CAGE1: variants seen among roughly 807,000 people sequenced by gnomAD.
CAGE1 encodes cancer-associated gene 1 protein.
A neutral mutation model predicts 94.9 loss-of-function variants in CAGE1; 66 were observed. The ratio of observed to expected loss-of-function variants is 0.70; its 90% CI spans 0.57 to 0.85. The LOEUF (loss-of-function observed/expected upper bound fraction) is 0.85. Among genes scored for constraint, CAGE1 ranks in the 40% least tolerant of loss-of-function variants. The pLI is 0.00. For synonymous variants in CAGE1, 319 were observed against 321.0 expected, an observed-to-expected ratio of 0.99 and a Z score of 0.07; for missense variants, 865 against 950.4, an observed-to-expected ratio of 0.91 and a Z score of 1.18.
At position 7,345,293 on chromosome 6, in the gene CAGE1, G is replaced by A. The variant is rs568569417; in HGVS notation, c.2369+9748C>T. Among the ~76,000 whole-genome samples, 13 of 152,250 alleles carry A rather than the reference G, an allele frequency of 8.5e-5. No homozygotes were observed. The South Asian group carries it at 1.9e-3, about 22-fold the overall frequency. Reference sequence around the variant, plus strand: ...AAGAGTTGCAGCACTGACTGTTAAAGGTTTGCAGTTTTATTTCTGAACCAG... The same window carrying A: ...AAGAGTTGCAGCACTGACTGTTAAAAGTTTGCAGTTTTATTTCTGAACCAG... On this transcript the variant is annotated intron_variant, in intron 11 of 13. Transcript: ENST00000502583.
chr6:7,372,878 A>C (rs542998919), intron 5 of CAGE1, among the ~76,000 whole-genome samples, 195 bp downstream of exon 5: 22 of 152,010 alleles, frequency 1.4e-4, no homozygotes, highest in African/African-American at 4.8e-4. Context: ...GGGTCTCACT[A>C]TGTTGCCTAG....
intron 11 of CAGE1, among the ~76,000 whole-genome samples, chr6:7,354,494 C>T (rs1266810494): frequency 6.6e-6 from 1 of 152,058 alleles, no homozygotes; most frequent in Non-Finnish European, 1.5e-5. Context: ...TAAAATTAGA[C>T]CTTTTGTTAG....
chr6:7,346,742 C>G (rs1199192036), intron 11 of CAGE1, among the ~76,000 whole-genome samples: 1 of 142,012 alleles, frequency 7.0e-6, no homozygotes, highest in Non-Finnish European at 1.6e-5. Flanking sequence ...CCCAGCTGCT[C>G]AGGAGGCTGA....
intron 4 of CAGE1, among the ~76,000 whole-genome samples, chr6:7,378,040 C>T (rs1336043332): frequency 2.6e-5 from 4 of 152,206 alleles, no homozygotes; most frequent in Non-Finnish European, 5.9e-5. Flanking sequence ...TGCCTCTGCA[C>T]TCCTTCCTCT....
intron 10 of CAGE1, among the ~76,000 whole-genome samples, 166 bp downstream of exon 10, chr6:7,355,859 C>G (rs1394598787): frequency 6.6e-6 from 1 of 152,054 alleles, no homozygotes; most frequent in Non-Finnish European, 1.5e-5. Flanking sequence ...AAAAATTAGC[C>G]AGGAATGGTG....
chr6:7,365,508 A>G lies in CAGE1; in HGVS notation c.2153T>C (p.Leu718Pro). Residue 718 changes from leucine to proline, a missense_variant, in exon 9 of 14, where the codon CTG becomes CCG. Coordinates refer to ENST00000502583, the MANE Select transcript of CAGE1 (RefSeq NM_001170692.2). ...CTCATTTAGACTGTGGTACTTATCC[A>G]GTTTGGCTCCCAGAAGGGTAGGTAC... is the stretch of plus-strand genomic sequence containing the variant. Reference protein sequence around the residue: ...RDVPTLLGAKLDKYHSLNEEL... With the variant: ...RDVPTLLGAKPDKYHSLNEEL... 1 of 1,613,572 alleles carries G rather than the reference A, an allele frequency of 6.2e-7. No homozygotes were observed. Among genetic ancestry groups the G allele is most frequent in the Non-Finnish European group, 8.5e-7 (1 of 1,179,672 alleles).
At chr6:7,341,583 G>A (rs1237653360) in intron 11 of CAGE1, 8 of 1,030,960 alleles carry the variant, frequency 7.8e-6, no homozygotes, top group Admixed American at 6.9e-5. Flanking sequence ...CTTTAAGCAG[G>A]GCTTCCTCTA....
chr6:7,344,312 G>A (rs1265801003), intron 11 of CAGE1, among the ~76,000 whole-genome samples: 2 of 152,230 alleles, frequency 1.3e-5, no homozygotes, highest in African/African-American at 4.8e-5. Context: ...CGCACTCGGA[G>A]CAGCCAGCCG....
chr6:7,332,484 T>A (rs1758792376), intron 12 of CAGE1, among the ~76,000 whole-genome samples: 1 of 152,200 alleles, frequency 6.6e-6, no homozygotes, highest in Admixed American at 6.5e-5. Context: ...TAAGGGATTT[T>A]CACACCCATT....
chr6:7,347,803 C>T (rs1176960341), intron 11 of CAGE1, among the ~76,000 whole-genome samples: 1 of 151,892 alleles, frequency 6.6e-6, no homozygotes, highest in Non-Finnish European at 1.5e-5. Flanking sequence ...AGGCTTTCCC[C>T]CACTTCCCGA....
In CAGE1 at chr6:7,338,947, C is replaced by T. The variant is rs1354792807; in HGVS notation, c.2370-4857G>A. 8 of 1,608,792 alleles carry T rather than the reference C, an allele frequency of 5.0e-6. No individual in the cohort carries two copies. The African/African-American group carries it at 6.7e-5, about 13-fold the overall frequency. On this transcript the variant is annotated intron_variant, in intron 11 of 13. Transcript: ENST00000502583. ...TCATCTTTGGGTTCCACGATGCTCA[C>T]GTGGTCAGGCAGGGGCTTCTTAGGG...
chr6:7,352,167 CA>C (rs1209810955), intron 11 of CAGE1, among the ~76,000 whole-genome samples: 6 of 151,770 alleles, frequency 4.0e-5, no homozygotes, highest in African/African-American at 1.5e-4. Flanking sequence ...CTAGAACTGA[CA>C]AACGAATTCA....
chr6:7,382,348 G>A (rs1561868292), intron 3 of CAGE1, among the ~76,000 whole-genome samples: 2 of 151,324 alleles, frequency 1.3e-5, no homozygotes, highest in Admixed American at 6.6e-5. Context: ...TGTCACCCAC[G>A]CTGGAGTCAG....
chr6:7,345,226 C>T (rs189576827), intron 11 of CAGE1, among the ~76,000 whole-genome samples: 25 of 149,316 alleles, frequency 1.7e-4, no homozygotes, highest in East Asian at 5.9e-4. Context: ...TATAAGCTAC[C>T]AGCCTACCAA....
At chr6:7,347,855 G>C (rs746175000) in intron 11 of CAGE1, among the ~76,000 whole-genome samples, 10 of 151,966 alleles carry the variant, frequency 6.6e-5, no homozygotes, top group Non-Finnish European at 1.2e-4. Flanking sequence ...AATCCTCCTA[G>C]GTACACAACT....
intron 13 of CAGE1, among the ~76,000 whole-genome samples, chr6:7,327,356 T>C (rs1758573135): frequency 6.6e-6 from 1 of 152,100 alleles, no homozygotes; most frequent in Non-Finnish European, 1.5e-5. Flanking sequence ...GGTTTTGCCA[T>C]GTTGTCCAGG....
At chr6:7,359,335 C>G (rs549125878) in intron 9 of CAGE1, among the ~76,000 whole-genome samples, 88 of 152,294 alleles carry the variant, frequency 5.8e-4, no homozygotes, top group Non-Finnish European at 9.4e-4. Context: ...GTGTGAGCCA[C>G]CTTGCCTGGC....
intron 9 of CAGE1, among the ~76,000 whole-genome samples, chr6:7,361,702 G>A (rs1238114902): frequency 6.6e-6 from 1 of 152,124 alleles, no homozygotes; most frequent in Non-Finnish European, 1.5e-5. Context: ...GCTTTAGAAT[G>A]GAAATTAGGA....
chr6:7,339,136 G>T lies in CAGE1; in HGVS notation c.2370-5046C>A. 6.4e-7 allele frequency: 1 copy of T among 1,553,400 alleles called. No homozygotes were observed. The highest frequency in any genetic ancestry group is 8.9e-7 in the Non-Finnish European group (1 of 1,125,934). ...ACAAACTTCATGGATTTAGCTCTCT[G>T]TCCTCAGAGTTTCCCAGACACCACG... On this transcript the variant is annotated intron_variant, in intron 11 of 13. Transcript: ENST00000502583. The surrounding 1 kb of genome is among the most constrained non-coding windows in gnomAD (Gnocchi z 4.7).
Sources: gnomAD v4.1 joint callset for allele counts (sites outside exome capture counted in the v4.1 genomes callset) on GRCh38, gnomAD v4.1.1 for gene constraint, Gnocchi (gnomAD v3.1) non-coding constraint, MANE v1.5 for transcripts, NCBI Gene and HGNC (gene_info 2026-07-23, HGNC 2026-07-21) for gene names.